CRISPLD1: variants seen among roughly 807,000 people sequenced by gnomAD.
CRISPLD1 encodes the protein cysteine-rich secretory protein LCCL domain-containing 1.
Under a neutral mutation model 77.5 loss-of-function variants are expected in CRISPLD1, and 60 were observed. That is an observed-to-expected ratio of 0.77 (90% CI 0.63 to 0.96). The LOEUF (loss-of-function observed/expected upper bound fraction) is 0.96. CRISPLD1 is among the 40% of genes least tolerant of loss of function. The pLI is 0.00. For missense variants in CRISPLD1, 623 were observed against 615.8 expected (o/e 1.01, Z -0.12); for synonymous variants, 195 against 200.1 (o/e 0.97, Z 0.22).
At chr8:75,025,074 C>T (rs1813208370) in intron 12 of CRISPLD1, among the ~76,000 whole-genome samples, 3 of 151,894 alleles carry the variant, frequency 2.0e-5, no homozygotes, top group Non-Finnish European at 2.9e-5. Context: ...AAGAGATCTC[C>T]CAACTGGAAA....
At chr8:75,020,263 T>A (rs1035561629) in intron 12 of CRISPLD1, among the ~76,000 whole-genome samples, 184 bp downstream of exon 12, 2 of 152,258 alleles carry the variant, frequency 1.3e-5, no homozygotes, top group African/African-American at 2.4e-5. Flanking sequence ...GCAAAAGTAT[T>A]CTCTGCTATT....
Position 75,020,185 on chromosome 8 carries a change from C to T in CRISPLD1, c.1244+106C>T, listed in dbSNP as rs147220981. 3.1e-4 allele frequency: 263 copies of T among 857,104 alleles called. 1 individual carries two copies. Among genetic ancestry groups the T allele is most frequent in the Middle Eastern group, 1.2e-3 (5 of 4,328 alleles). 53.1% of individuals were successfully genotyped at this position (857,104 alleles called of 1,614,324 possible). On this transcript the variant is annotated intron_variant, in intron 12 of 14. Coordinates refer to ENST00000262207, the MANE Select transcript of CRISPLD1 (RefSeq NM_031461.6). ...AGTTGTATAATCTTGAACTTCTAAG[C>T]AGGAGGGAGCAATGAAACATCATAA...
At chr8:75,015,697 G>A (rs541247300) in intron 6 of CRISPLD1, among the ~76,000 whole-genome samples, 2 of 151,964 alleles carry the variant, frequency 1.3e-5, no homozygotes, top group Admixed American at 6.6e-5. Flanking sequence ...CCTTAATGAT[G>A]CATTAACTAA....
At chr8:75,018,500 A>G (rs1813076800) in intron 10 of CRISPLD1, among the ~76,000 whole-genome samples, 1 of 151,908 alleles carries the variant, frequency 6.6e-6, no homozygotes, top group Non-Finnish European at 1.5e-5. Context: ...CATGTTGGCC[A>G]GGCTGGTCTT....
At chr8:75,016,982 A>G (rs745330107) in intron 8 of CRISPLD1, 41 bp downstream of exon 8, 51 of 1,522,496 alleles carry the variant, frequency 3.3e-5, no homozygotes, top group Admixed American at 1.1e-4. Context: ...TGAATATAAT[A>G]AATATTTTTA....
At position 74,999,810 on chromosome 8, in the gene CRISPLD1, A is replaced by G. The variant is rs533475634; in HGVS notation, c.259-12623A>G. 7.3e-5 allele frequency among the ~76,000 whole-genome samples: 11 copies of G among 151,052 alleles called. 1 individual carries two copies. The South Asian group carries it at 2.1e-3, about 29-fold the overall frequency. ...TTTTACAAAGTACTTATAATACACA[A>G]TGTTGGAGAAGTTTGAACAATAATT... On this transcript the variant is annotated intron_variant, in intron 2 of 14. Coordinates refer to ENST00000262207, the MANE Select transcript of CRISPLD1 (RefSeq NM_031461.6).
intron 2 of CRISPLD1, among the ~76,000 whole-genome samples, chr8:74,989,472 C>G (rs1587003220): frequency 6.6e-6 from 1 of 151,924 alleles, no homozygotes; most frequent in Non-Finnish European, 1.5e-5. Flanking sequence ...AGCAACCATT[C>G]TAGGCGTTGT....
chr8:75,023,708 T>G (rs895044855), intron 12 of CRISPLD1, among the ~76,000 whole-genome samples: 4 of 152,166 alleles, frequency 2.6e-5, no homozygotes, highest in African/African-American at 9.6e-5. Context: ...ATGATTATCA[T>G]GTAGTTATGT....
At chr8:75,019,457 CT>C (rs1425075905) in intron 10 of CRISPLD1, among the ~76,000 whole-genome samples, 1 of 152,024 alleles carries the variant, frequency 6.6e-6, no homozygotes, top group Non-Finnish European at 1.5e-5. Flanking sequence ...TGGACGCTCC[CT>C]TAGTTACTTA....
intron 2 of CRISPLD1, among the ~76,000 whole-genome samples, chr8:74,993,159 G>T (rs1812598944): frequency 6.6e-6 from 1 of 152,072 alleles, no homozygotes; most frequent in Admixed American, 6.6e-5. Context: ...CCCATAGCTT[G>T]TTTCCTAATC....
At position 75,014,082 on chromosome 8, in the gene CRISPLD1, G is replaced by A; in HGVS notation, c.606G>A (p.Leu202=). The A allele has an allele frequency of 6.2e-7, 1 of 1,611,216 alleles. No individual in the cohort carries two copies. Reference sequence around the variant, plus strand: ...AGATATGGCCCAAAGCTGTCTACCTGGTGTGCAATTACTCCCCAAAGTGAG... The same window carrying A: ...AGATATGGCCCAAAGCTGTCTACCTAGTGTGCAATTACTCCCCAAAGTGAG... ...WGQIWPKAVY[L]VCNYSPKGNW... is the part of the protein sequence containing the mutation. Residue 202 remains leucine (L), a synonymous_variant, in exon 5 of 15, where the codon CTG becomes CTA. Coordinates refer to ENST00000262207, the MANE Select transcript of CRISPLD1 (RefSeq NM_031461.6).
At chr8:75,014,352 C>A (rs1329470824) in intron 5 of CRISPLD1, among the ~76,000 whole-genome samples, 1 of 151,974 alleles carries the variant, frequency 6.6e-6, no homozygotes, top group Non-Finnish European at 1.5e-5. Context: ...GTTTTACTCA[C>A]TATACTATCC....
chr8:75,021,405 G>A (rs1370723553), intron 12 of CRISPLD1, among the ~76,000 whole-genome samples: 4 of 152,124 alleles, frequency 2.6e-5, no homozygotes, highest in Non-Finnish European at 5.9e-5. Flanking sequence ...GAGTGCTGTT[G>A]TAATATTTTT....
intron 2 of CRISPLD1, among the ~76,000 whole-genome samples, chr8:75,011,567 A>T (rs571262231): frequency 5.3e-5 from 8 of 152,084 alleles, no homozygotes; most frequent in Non-Finnish European, 7.4e-5. Context: ...CAAATTAATA[A>T]GTTGAATACT....
intron 2 of CRISPLD1, among the ~76,000 whole-genome samples, chr8:74,997,424 A>AACAG (rs113878077): frequency 0.26 from 38,998 of 151,940 alleles, 6,812 homozygotes; most frequent in African/African-American, 0.5. Context: ...CAGGAGGAGA[A>AACAG]ACAGGAGAAA....
chr8:75,008,075 TATC>T (rs1171247594), intron 2 of CRISPLD1, among the ~76,000 whole-genome samples: 3 of 152,132 alleles, frequency 2.0e-5, no homozygotes, highest in African/African-American at 7.2e-5. Flanking sequence ...AGTTTAAAAA[TATC>T]ATTGGAGACA....
chr8:75,012,892 A>G lies in CRISPLD1; in HGVS notation c.380A>G (p.Tyr127Cys). 2 of 1,609,408 alleles carry G rather than the reference A, an allele frequency of 1.2e-6. No individual in the cohort carries two copies. The highest frequency in any genetic ancestry group is 1.7e-6 in the Non-Finnish European group (2 of 1,177,666). Residue 127 changes from tyrosine to cysteine, a missense_variant and splice_region_variant, in exon 4 of 15, where the codon TAT becomes TGT. Transcript: ENST00000262207. ...GQNLGAHWGR[Y>C]RPPTFHVQSW... ...TGTGACTATTTTCTTTCTAATAGAT[A>G]TAGGCCCCCGACGTTTCATGTACAA... is the stretch of plus-strand genomic sequence containing the variant.
rs1178112731 is a variant in CRISPLD1 at position 75,029,466 on chromosome 8, A to G, written c.1400A>G (p.Asp467Gly). Residue 467 changes from aspartate to glycine, a missense_variant, in exon 14 of 15, where the codon GAC (aspartate) becomes GGC (glycine). By Grantham distance (94) the Asp-to-Gly change is moderately conservative. Coordinates refer to ENST00000262207, the MANE Select transcript of CRISPLD1 (RefSeq NM_031461.6). Reference sequence around the variant, plus strand: ...GGTTATGTTGATGTAATGCCTGTGGACAAAAGAAAGACCTACATTGCTTCT... The same window carrying G: ...GGTTATGTTGATGTAATGCCTGTGGGCAAAAGAAAGACCTACATTGCTTCT... ...HGGYVDVMPV[D>G]KRKTYIASFQ... 6.2e-7 allele frequency: 1 copy of G among 1,613,786 alleles called. No homozygotes were observed. The highest frequency in any genetic ancestry group is 8.5e-7 in the Non-Finnish European group (1 of 1,179,838).
intron 2 of CRISPLD1, among the ~76,000 whole-genome samples, chr8:74,996,836 G>C (rs1812653146): frequency 6.9e-6 from 1 of 145,016 alleles, no homozygotes; most frequent in Non-Finnish European, 1.5e-5. Flanking sequence ...CTCCACCTCA[G>C]CCTCCTGAGT....
Sources: allele counts gnomAD v4.1 joint callset (sites outside exome capture counted in the v4.1 genomes callset), GRCh38; gene constraint gnomAD v4.1.1; transcripts MANE v1.5; gene names NCBI Gene and HGNC (gene_info 2026-07-23, HGNC 2026-07-21).